GALNTL5: variants seen among roughly 807,000 people sequenced by gnomAD.
GALNTL5 encodes the protein inactive polypeptide N-acetylgalactosaminyltransferase-like protein 5.
Under a neutral mutation model 51.0 loss-of-function variants are expected in GALNTL5, and 44 were observed. That is an observed-to-expected ratio of 0.86 (90% CI 0.68 to 1.11). The LOEUF (loss-of-function observed/expected upper bound fraction) is 1.11, where lower values mean the gene tolerates loss of function less well. Among genes scored for constraint, GALNTL5 ranks in the 50% least tolerant of loss-of-function variants. The probability of loss-of-function intolerance (pLI) is 0.00; values close to 1 mark genes in which losing one functional copy is unlikely to be tolerated. For missense variants in GALNTL5, 528 were observed against 531.8 expected (o/e 0.99, Z 0.07); for synonymous variants, 192 against 182.8 (o/e 1.05, Z -0.41).
intron 4 of GALNTL5, 62 bp from the exon 5 acceptor site, chr7:151,987,097 T>C (rs535897618): frequency 1.2e-4 from 166 of 1,370,388 alleles, no homozygotes; most frequent in Admixed American, 8.7e-4. Flanking sequence ...ATAATGATGA[T>C]ACACTGTTTC....
chr7:152,007,805 C>A, intron 6 of GALNTL5, 22 bp from the exon 7 acceptor site: 3 of 1,245,100 alleles, frequency 2.4e-6, no homozygotes, highest in Non-Finnish European at 3.5e-6. Flanking sequence ...AAATTAATTT[C>A]ATATTTATGT....
At chr7:151,996,353 C>T (rs1327907965) in intron 5 of GALNTL5, among the ~76,000 whole-genome samples, 1 of 151,844 alleles carries the variant, frequency 6.6e-6, no homozygotes, top group Admixed American at 6.6e-5. Flanking sequence ...TGCTATCCCT[C>T]CCCACTCCCC....
At chr7:152,006,654 C>A (rs951045811) in intron 6 of GALNTL5, among the ~76,000 whole-genome samples, 3 of 152,188 alleles carry the variant, frequency 2.0e-5, no homozygotes, top group Admixed American at 1.3e-4. Context: ...GCTTCCCTAC[C>A]CTTTCCCCTA....
chr7:151,996,695 G>A (rs184689505), intron 5 of GALNTL5, among the ~76,000 whole-genome samples: 1 of 152,048 alleles, frequency 6.6e-6, no homozygotes, highest in East Asian at 1.9e-4. Context: ...GTTACAGTGA[G>A]CTATGACTAT....
At chr7:152,011,516 C>T (rs896477107) in intron 7 of GALNTL5, among the ~76,000 whole-genome samples, 1 of 152,258 alleles carries the variant, frequency 6.6e-6, no homozygotes, top group Non-Finnish European at 1.5e-5. Flanking sequence ...CTCCAGGAAC[C>T]AGGGCCTTGC....
At chr7:152,017,922 T>G (rs1028629196) in intron 8 of GALNTL5, among the ~76,000 whole-genome samples, 2 of 152,118 alleles carry the variant, frequency 1.3e-5, no homozygotes, top group Non-Finnish European at 2.9e-5. Context: ...CTCGGCTCAC[T>G]GCAACCTCCA....
In GALNTL5 at chr7:151,990,355, A is replaced by C. The variant is rs926448887; in HGVS notation, c.658+3074A>C. 4.6e-5 allele frequency among the ~76,000 whole-genome samples: 7 copies of C among 151,862 alleles called. No individual in the cohort carries two copies. The South Asian group carries it at 8.3e-4, about 18-fold the overall frequency. ...CATTGTGCCTGGCTAGAAATTTTTA[A>C]GTCTTTAAGTTCACCAGAAAGCCCA... On this transcript the variant is annotated intron_variant, in intron 5 of 8. Transcript: ENST00000392800.
intron 6 of GALNTL5, among the ~76,000 whole-genome samples, chr7:152,003,972 G>T (rs1013622222): frequency 2.6e-5 from 4 of 151,934 alleles, no homozygotes; most frequent in African/African-American, 9.7e-5. Context: ...CATTCTTTTT[G>T]AAAACAATTT....
chr7:151,993,358 A>G (rs1297706997), intron 5 of GALNTL5, among the ~76,000 whole-genome samples: 1 of 152,174 alleles, frequency 6.6e-6, no homozygotes, highest in Non-Finnish European at 1.5e-5. Context: ...AAAAATTTAC[A>G]TAAGACAGAG....
At chr7:151,964,710 T>C (rs985632639) in intron 1 of GALNTL5, among the ~76,000 whole-genome samples, 2 of 152,198 alleles carry the variant, frequency 1.3e-5, no homozygotes, top group African/African-American at 2.4e-5. Flanking sequence ...CAAAGTGAGA[T>C]GCCAACCAGC....
chr7:151,975,022 A>G (rs1000181584), intron 3 of GALNTL5, among the ~76,000 whole-genome samples: 4 of 152,212 alleles, frequency 2.6e-5, no homozygotes, highest in South Asian at 4.1e-4. Context: ...TGTAATAGCC[A>G]TATTATTTCA....
intron 5 of GALNTL5, among the ~76,000 whole-genome samples, chr7:151,997,440 G>A (rs1174867760): frequency 2.6e-5 from 4 of 152,204 alleles, no homozygotes; most frequent in Admixed American, 2.0e-4. Context: ...ATCAGCTGAA[G>A]AGGGACCCTC....
chr7:151,957,550 AAAAAAAAAAAGAAAAG>A (rs2080941064), intron 1 of GALNTL5, among the ~76,000 whole-genome samples: 1 of 138,752 alleles, frequency 7.2e-6, no homozygotes, highest in African/African-American at 2.8e-5. Context: ...CCCTGTCTCA[AAAAAAAAAAAGAAAAG>A]AAAAAAAAAA....
chr7:151,972,818 C>T (rs914143104), intron 3 of GALNTL5, among the ~76,000 whole-genome samples: 1 of 152,188 alleles, frequency 6.6e-6, no homozygotes, highest in Non-Finnish European at 1.5e-5. Flanking sequence ...CAGGCAGAAG[C>T]CTGCTGCGGG....
In GALNTL5 at chr7:151,967,447, T is replaced by C. The variant is rs2081074060; in HGVS notation, c.201T>C (p.His67=). 3 of 1,613,830 alleles carry C rather than the reference T, an allele frequency of 1.9e-6. No individual in the cohort carries two copies. Among genetic ancestry groups the C allele is most frequent in the African/African-American group, 1.3e-5 (1 of 74,904 alleles). Residue 67 remains histidine, a synonymous_variant, in exon 2 of 9, where the codon CAT becomes CAC. Transcript: ENST00000392800. ...GCTCAGAGCAAATACCAAAACCTCA[T>C]GTAATAGTCAAAAGGACTGATGAAG... ...IYGSEQIPKP[H]VIVKRTDEDK...
chr7:152,010,594 C>A (rs928758834), intron 7 of GALNTL5, among the ~76,000 whole-genome samples: 1 of 151,714 alleles, frequency 6.6e-6, no homozygotes, highest in African/African-American at 2.4e-5. Flanking sequence ...ATGGTGAAAC[C>A]CCGTCTCTTC....
chr7:151,997,860 C>T (rs2081519713), intron 5 of GALNTL5, among the ~76,000 whole-genome samples: 1 of 152,008 alleles, frequency 6.6e-6, no homozygotes, highest in Non-Finnish European at 1.5e-5. Flanking sequence ...TATTTCATAC[C>T]ATAACCCAAA....
chr7:151,969,456 A>G (rs116187443), intron 2 of GALNTL5, among the ~76,000 whole-genome samples: 1 of 152,178 alleles, frequency 6.6e-6, no homozygotes, highest in East Asian at 1.9e-4. Context: ...AGAATAGTCA[A>G]AGTGAGACTT....
chr7:152,000,151 G>A (rs1586842726), intron 5 of GALNTL5, among the ~76,000 whole-genome samples: 2 of 152,346 alleles, frequency 1.3e-5, no homozygotes, highest in Admixed American at 6.5e-5. Context: ...ACCAGCTGTA[G>A]AACAAAGGAC....
Sources: allele counts gnomAD v4.1 joint callset (sites outside exome capture counted in the v4.1 genomes callset), GRCh38; gene constraint gnomAD v4.1.1; transcripts MANE v1.5; gene names NCBI Gene and HGNC (gene_info 2026-07-23, HGNC 2026-07-21).